Variants in BLVRB observed in about 807,000 individuals in gnomAD.
BLVRB encodes biliverdin reductase B.
A neutral mutation model predicts 21.1 loss-of-function variants in BLVRB; 25 were observed. That is an observed-to-expected ratio of 1.19 (90% CI 0.86 to 1.66). The LOEUF is 1.66. Ranked by LOEUF, BLVRB falls within the 40% of genes most tolerant of loss-of-function variation. The pLI is 0.00. For synonymous variants in BLVRB, 128 were observed against 122.2 expected, an observed-to-expected ratio of 1.05 and a Z score of -0.31; for missense variants, 274 against 282.7, an observed-to-expected ratio of 0.97 and a Z score of 0.22.
intron 3 of BLVRB, chr19:40,457,665 A>C (rs201053058): frequency 0.13 from 19,517 of 152,110 alleles, 1,311 homozygotes; most frequent in Non-Finnish European, 0.14. Flanking sequence ...ACTATAAATA[A>C]ATAAATAAAT....
chr19:40,450,384 T>C (rs866521333), intron 4 of BLVRB: 5 of 147,128 alleles, frequency 3.4e-5, no homozygotes, highest in African/African-American at 1.3e-4. Context: ...CGGGCGCCTG[T>C]AGTCCCAGCT....
intron 1 of BLVRB, among the ~76,000 whole-genome samples, 195 bp downstream of exon 1, chr19:40,465,415 T>C (rs1404143557): frequency 6.6e-6 from 1 of 152,240 alleles, no homozygotes; most frequent in African/African-American, 2.4e-5. Flanking sequence ...CCTCTCTGGC[T>C]TGGACTCACA....
intron 4 of BLVRB, among the ~76,000 whole-genome samples, chr19:40,448,608 A>AATAT (rs55783717): frequency 0.045 from 5,611 of 125,690 alleles, 129 homozygotes; most frequent in Non-Finnish European, 0.057. Context: ...AACAACAACA[A>AATAT]ATATATATAT....
rs570144251 is a variant in BLVRB, at chr19:40,457,904, G to C, written c.334+251C>G. ...CTGCCTGCCTCCCGATCCCAGCTCC[G>C]ATGATCTGGATGTCAGTTTGATCAT... is the stretch of plus-strand genomic sequence containing the variant. On this transcript the variant is annotated intron_variant, in intron 3 of 4. Coordinates refer to ENST00000263368, the MANE Select transcript of BLVRB (RefSeq NM_000713.3). 6.0e-5 allele frequency: 29 copies of C among 486,456 alleles called. No homozygotes were observed. The East Asian group carries it at 8.2e-4, about 14-fold the overall frequency. The allele number at this position is 486,456 out of a possible 1,614,324, so 30.1% of individuals were successfully genotyped here.
At position 40,458,386 on chromosome 19, in the gene BLVRB, T is replaced by A. The variant is rs1166328547; in HGVS notation, c.239A>T (p.Asp80Val). ...AVIVLLGTRNDLSPTTVMSEG... is the reference protein window; with the variant it reads ...AVIVLLGTRNVLSPTTVMSEG... ...GCAGAGGGGGGGCTCAGTACTGAGG[T>A]CATTGCGGGTGCCCAGCAGCACGAT... The change falls in exon 2 of 5, where the codon GAC becomes GTC. Residue 80 changes from aspartate (D) to valine (V), a missense_variant. By Grantham distance (152) the Asp-to-Val change is radical. Transcript: ENST00000263368. The A allele has an allele frequency of 6.3e-7, 1 of 1,585,030 alleles. No individual in the cohort carries two copies. Among genetic ancestry groups the A allele is most frequent in the Admixed American group, 1.8e-5 (1 of 56,160 alleles).
intron 1 of BLVRB, among the ~76,000 whole-genome samples, chr19:40,463,214 C>T (rs1051158273): frequency 6.6e-6 from 1 of 152,186 alleles, no homozygotes; most frequent in Non-Finnish European, 1.5e-5. Flanking sequence ...CAGGATCACA[C>T]AGCTAGTAGG....
In BLVRB at chr19:40,447,931, C is replaced by G. The variant is rs372232630; in HGVS notation, c.579G>C (p.Glu193Asp). 3.7e-6 allele frequency: 6 copies of G among 1,613,986 alleles called. No individual in the cohort carries two copies. In the African/African-American group the frequency reaches 8.0e-5, roughly 22 times the overall value. The change falls in exon 5 of 5, where the codon GAG (glutamate) becomes GAC (aspartate). Residue 193 changes from glutamate to aspartate, a missense_variant. Transcript: ENST00000263368. ...HFMLRCLTTD[E>D]YDGHSTYPSH... ...AGGGGTAGGTGCTGTGTCCGTCGTA[C>G]TCATCGGTGGTGAGGCAGCGCAGCA...
intron 1 of BLVRB, among the ~76,000 whole-genome samples, chr19:40,459,265 T>G (rs1164043810): frequency 2.5e-5 from 3 of 119,660 alleles, no homozygotes; most frequent in Non-Finnish European, 4.9e-5. Flanking sequence ...CAGGCGGAGG[T>G]TGCAGTGAGC....
intron 3 of BLVRB, among the ~76,000 whole-genome samples, chr19:40,453,054 C>G (rs929286000): frequency 6.6e-6 from 1 of 152,148 alleles, no homozygotes; most frequent in African/African-American, 2.4e-5. Context: ...CAGAGCAAGA[C>G]TCCGTCTCAA....
intron 1 of BLVRB, among the ~76,000 whole-genome samples, chr19:40,464,882 G>A (rs1025565371): frequency 6.6e-6 from 1 of 152,180 alleles, no homozygotes; most frequent in Non-Finnish European, 1.5e-5. Context: ...CCAGCTGGGA[G>A]TTGGTCAAGT....
chr19:40,447,838 C>G lies in BLVRB; in HGVS notation c.*51G>C, dbSNP rs753626041. The G allele has an allele frequency of 2.5e-6, 4 of 1,583,776 alleles. No individual in the cohort carries two copies. In the African/African-American group the frequency reaches 5.4e-5, roughly 21 times the overall value. On this transcript the variant is annotated 3_prime_UTR_variant, in exon 5 of 5. Coordinates refer to ENST00000263368, the MANE Select transcript of BLVRB (RefSeq NM_000713.3). ...TTGGCTCAACATTTATTGCCCCCTT[C>G]CTTTGCTCCTCATGTCCCAGAATGC...
chr19:40,461,711 AG>A (rs1369776875), intron 1 of BLVRB, among the ~76,000 whole-genome samples: 2 of 152,114 alleles, frequency 1.3e-5, no homozygotes, highest in Non-Finnish European at 2.9e-5. Context: ...GATGTTAGCC[AG>A]GCTGGTCTCG....
intron 3 of BLVRB, among the ~76,000 whole-genome samples, chr19:40,455,299 A>C (rs1003164703): frequency 6.6e-6 from 1 of 152,236 alleles, no homozygotes; most frequent in Non-Finnish European, 1.5e-5. Flanking sequence ...TTAAACTCTA[A>C]TAATTAGAGG....
At chr19:40,463,594 C>T (rs1599692200) in intron 1 of BLVRB, among the ~76,000 whole-genome samples, 1 of 143,792 alleles carries the variant, frequency 7.0e-6, no homozygotes, top group Non-Finnish European at 1.5e-5. Flanking sequence ...CTCCCTCCAT[C>T]CCTCCCTCCT....
chr19:40,459,325 CTCAAAAAAAAAAAAA>C (rs1326440606), intron 1 of BLVRB, among the ~76,000 whole-genome samples: 1 of 28,806 alleles, frequency 3.5e-5, no homozygotes, highest in Non-Finnish European at 5.8e-5. Flanking sequence ...GAGACTCTAT[CTCAAAAAAAAAAAAA>C]AAAAAAAAAA....
Position 40,458,367 on chromosome 19 carries a change from G to C in BLVRB, c.244+14C>G, listed in dbSNP as rs557627615. 5.8e-6 allele frequency: 9 copies of C among 1,563,220 alleles called. No individual in the cohort carries two copies. The highest frequency in any genetic ancestry group is 4.7e-5 in the South Asian group (4 of 85,436). The stretch of plus-strand genomic sequence containing the variant: ...GTGTAGGGGAGGGCCGTGGGCAGAG[G>C]GGGGGCTCAGTACTGAGGTCATTGC... On this transcript the variant is annotated intron_variant, in intron 2 of 4. Coordinates refer to ENST00000263368, the MANE Select transcript of BLVRB (RefSeq NM_000713.3).
In BLVRB at chr19:40,451,369, T is replaced by C; in HGVS notation, c.458A>G (p.His153Arg). ...GLKYVAVMPP[H>R]IGDQPLTGAY... is the part of the protein sequence containing the mutation. ...CAGGTCCCTGCCCTGCTTACCTATG[T>C]GTGGCGGCATCACAGCCACGTACTT... Residue 153 changes from histidine to arginine, a missense_variant, in exon 4 of 5, where the codon CAC becomes CGC. By Grantham distance (29) the His-to-Arg change is conservative. Transcript: ENST00000263368. The C allele has an allele frequency of 1.2e-6, 2 of 1,602,890 alleles. No homozygotes were observed. Among genetic ancestry groups the C allele is most frequent in the Non-Finnish European group, 8.5e-7 (1 of 1,175,078 alleles).
intron 3 of BLVRB, among the ~76,000 whole-genome samples, chr19:40,453,711 G>T (rs906181607): frequency 6.6e-6 from 1 of 152,168 alleles, no homozygotes; most frequent in African/African-American, 2.4e-5. Flanking sequence ...TTGTTCAAAG[G>T]CTGGGCAGAG....
chr19:40,452,139 A>G (rs1184696810), intron 3 of BLVRB, among the ~76,000 whole-genome samples: 1 of 152,110 alleles, frequency 6.6e-6, no homozygotes, highest in East Asian at 1.9e-4. Flanking sequence ...CACTCAGGGT[A>G]GAAGCAAAGT....
Sources: allele counts gnomAD v4.1 joint callset (sites outside exome capture counted in the v4.1 genomes callset), GRCh38; gene constraint gnomAD v4.1.1; transcripts MANE v1.5; gene names NCBI Gene and HGNC (gene_info 2026-07-23, HGNC 2026-07-21).